The following PTPRD variants were observed in gnomAD, a reference collection of about 807,000 sequenced individuals.
PTPRD encodes the protein receptor-type tyrosine-protein phosphatase delta.
Under a neutral mutation model 214.5 loss-of-function variants are expected in PTPRD, and 34 were observed. The observed-to-expected ratio is 0.16, with a 90% CI of 0.12 to 0.21. PTPRD has a LOEUF of 0.21. Among genes scored for constraint, PTPRD ranks in the 10% least tolerant of loss-of-function variants. PTPRD has a pLI of 1.00. For missense variants in PTPRD, 2,545 were observed against 2,398.7 expected (o/e 1.06, Z -1.27); for synonymous variants, 1,128 against 845.7 (o/e 1.33, Z -5.79).
At chr9:10,436,819 G>C (rs540381507) in intron 2 of PTPRD, among the ~76,000 whole-genome samples, 9 of 151,848 alleles carry the variant, frequency 5.9e-5, no homozygotes, top group African/African-American at 1.7e-4. Context: ...GATTGCCATG[G>C]AGGAATGGAG....
intron 11 of PTPRD, among the ~76,000 whole-genome samples, chr9:8,782,882 C>T (rs2095794473): frequency 1.3e-5 from 2 of 152,154 alleles, no homozygotes; most frequent in South Asian, 2.1e-4. Flanking sequence ...AGGCCTGAGC[C>T]ACCACGCCTG....
chr9:8,805,016 T>C (rs1362052876), intron 11 of PTPRD, among the ~76,000 whole-genome samples: 1 of 152,192 alleles, frequency 6.6e-6, no homozygotes, highest in Non-Finnish European at 1.5e-5. Context: ...TCAGAAGGGA[T>C]TACAGCATGC....
rs75123451 is a variant in PTPRD at position 9,424,324 on chromosome 9, G to C, written c.-236-26842C>G. On this transcript the variant is annotated intron_variant, in intron 8 of 45. Coordinates refer to ENST00000381196, the MANE Select transcript of PTPRD (RefSeq NM_002839.4). ...ATTTCCTGGGAAACTAAGACAGTTG[G>C]TGCTGGTAATGTTCGAAAGAAGCAA... is the stretch of plus-strand genomic sequence containing the variant. Among the ~76,000 whole-genome samples, 1,234 of 152,246 alleles carry C rather than the reference G, an allele frequency of 8.1e-3. 24 individuals are homozygous for C. Among genetic ancestry groups the C allele is most frequent in the East Asian group, 0.061 (314 of 5,184 alleles).
intron 26 of PTPRD, 119 bp from the exon 27 acceptor site, chr9:8,493,098 G>T: frequency 3.7e-6 from 3 of 811,642 alleles, no homozygotes; most frequent in Non-Finnish European, 4.0e-6. Flanking sequence ...GCCATGCTAA[G>T]CCCTGGAAAT....
At position 10,245,228 on chromosome 9, in the gene PTPRD, G is replaced by A. The variant is rs143387187; in HGVS notation, c.-545+95735C>T. On this transcript the variant is annotated intron_variant, in intron 3 of 45. Transcript: ENST00000381196. ...TCCTCCAAGGATAGATTAGTCATAT[G>A]TTATAGAAACCTGTGTAAAGCAGAG... is the stretch of plus-strand genomic sequence containing the variant. Among the ~76,000 whole-genome samples the A allele has an allele frequency of 5.3e-5, 8 of 152,174 alleles. No homozygotes were observed. In the East Asian group the frequency reaches 1.5e-3, roughly 29 times the overall value.
Position 9,705,102 on chromosome 9 carries a change from G to A in PTPRD, c.-287+29431C>T, listed in dbSNP as rs138846527. ...TGAGCATTTTCTAGCACTACACAGA[G>A]CACTTCACGTGAAGCTAGAAATTCA... On this transcript the variant is annotated intron_variant, in intron 7 of 45. Transcript: ENST00000381196. Among the ~76,000 whole-genome samples, 66 of 152,248 alleles carry A rather than the reference G, an allele frequency of 4.3e-4. No individual in the cohort carries two copies. The East Asian group carries it at 6.8e-3, about 16-fold the overall frequency.
chr9:8,366,270 C>T (rs1457402547), intron 39 of PTPRD, among the ~76,000 whole-genome samples: 3 of 152,078 alleles, frequency 2.0e-5, no homozygotes, highest in Non-Finnish European at 2.9e-5. Context: ...CTCATTTTAT[C>T]TAGTTCTTTT....
At position 9,537,836 on chromosome 9, in the gene PTPRD, T is replaced by C. The variant is rs187866347; in HGVS notation, c.-237+36896A>G. On this transcript the variant is annotated intron_variant, in intron 8 of 45. Coordinates refer to ENST00000381196, the MANE Select transcript of PTPRD (RefSeq NM_002839.4). Reference sequence around the variant, plus strand: ...TTTACCCTTTGTGTTCAGTCACTAATAATCTCAGGGCCAAATTCATTTACA... The same window carrying C: ...TTTACCCTTTGTGTTCAGTCACTAACAATCTCAGGGCCAAATTCATTTACA... Among the ~76,000 whole-genome samples the C allele has an allele frequency of 4.8e-3, 730 of 152,132 alleles. 6 individuals are homozygous for C. Among genetic ancestry groups the C allele is most frequent in the Non-Finnish European group, 8.1e-3 (551 of 67,962 alleles).
chr9:8,350,118 T>C (rs553685659), intron 39 of PTPRD, among the ~76,000 whole-genome samples: 1 of 152,214 alleles, frequency 6.6e-6, no homozygotes, highest in East Asian at 1.9e-4. Context: ...TCCCACGAGT[T>C]GAAACGGGCT....
intron 11 of PTPRD, among the ~76,000 whole-genome samples, chr9:8,929,707 ATATATATATGTG>A (rs1567059832): frequency 6.5e-5 from 8 of 122,172 alleles, no homozygotes; most frequent in South Asian, 2.5e-4. Context: ...ATATATGTGT[ATATATATATGTG>A]TATATATATA....
intron 2 of PTPRD, among the ~76,000 whole-genome samples, chr9:10,429,273 G>A (rs932150606): frequency 3.3e-5 from 5 of 151,878 alleles, no homozygotes; most frequent in African/African-American, 9.7e-5. Flanking sequence ...AAAAAAGTAT[G>A]AAGAGTTCGC....
intron 9 of PTPRD, among the ~76,000 whole-genome samples, chr9:9,188,960 A>C (rs1015102397): frequency 3.9e-5 from 6 of 152,074 alleles, no homozygotes; most frequent in African/African-American, 1.4e-4. Flanking sequence ...TGGTGAATTA[A>C]AGATGACAAG....
chr9:9,546,127 C>A (rs1051787127), intron 8 of PTPRD, among the ~76,000 whole-genome samples: 7 of 151,194 alleles, frequency 4.6e-5, no homozygotes, highest in African/African-American at 1.5e-4. Context: ...GTTTTTTTCA[C>A]TAAATATATA....
At chr9:8,661,984 G>A (rs780538923) in intron 12 of PTPRD, among the ~76,000 whole-genome samples, 4 of 152,014 alleles carry the variant, frequency 2.6e-5, no homozygotes, top group Non-Finnish European at 5.9e-5. Flanking sequence ...GCCTTGCTAC[G>A]TTGCCCAGGC....
chr9:10,066,608 C>T (rs16930968), intron 3 of PTPRD, among the ~76,000 whole-genome samples: 3,037 of 151,854 alleles, frequency 0.02, 93 homozygotes, highest in African/African-American at 0.069. Context: ...TACTGCATAG[C>T]TTATTCTCCA....
intron 6 of PTPRD, among the ~76,000 whole-genome samples, chr9:9,753,637 G>C (rs151305370): frequency 4.6e-5 from 7 of 152,102 alleles, no homozygotes; most frequent in Non-Finnish European, 1.0e-4. Context: ...GGGTATGAAA[G>C]TTCACAAGAG....
intron 12 of PTPRD, among the ~76,000 whole-genome samples, chr9:8,719,189 G>C (rs2098466622): frequency 6.6e-6 from 1 of 152,122 alleles, no homozygotes; most frequent in South Asian, 2.1e-4. Context: ...CTATCCCTCA[G>C]CTGATAAATT....
chr9:8,452,676 G>A (rs958066376), intron 33 of PTPRD, among the ~76,000 whole-genome samples: 2 of 150,584 alleles, frequency 1.3e-5, no homozygotes, highest in South Asian at 2.1e-4. Context: ...GAGGAGTTAT[G>A]TAGGTGAAAA....
At chr9:9,279,246 G>C (rs1595062082) in intron 9 of PTPRD, among the ~76,000 whole-genome samples, 2 of 149,182 alleles carry the variant, frequency 1.3e-5, no homozygotes, top group East Asian at 4.0e-4. Context: ...ATCTATATAA[G>C]AATATGTGAA....
Sources: allele counts gnomAD v4.1 joint callset (sites outside exome capture counted in the v4.1 genomes callset), GRCh38; gene constraint gnomAD v4.1.1; transcripts MANE v1.5; gene names NCBI Gene and HGNC (gene_info 2026-07-23, HGNC 2026-07-21).